LIN9: variants seen among roughly 807,000 people sequenced by gnomAD.
LIN9 encodes the protein protein lin-9 homolog.
A neutral mutation model predicts 78.0 loss-of-function variants in LIN9; 18 were observed. The observed-to-expected ratio is 0.23, with a 90% CI of 0.16 to 0.34. The LOEUF (loss-of-function observed/expected upper bound fraction) is 0.34, where lower values mean the gene tolerates loss of function less well. LIN9 is among the 10% of genes least tolerant of loss of function. The probability of loss-of-function intolerance (pLI) is 1.00; values close to 1 mark genes in which losing one functional copy is unlikely to be tolerated. For synonymous variants in LIN9, 192 were observed against 215.2 expected, an observed-to-expected ratio of 0.89 and a Z score of 0.94; for missense variants, 451 against 644.1, an observed-to-expected ratio of 0.70 and a Z score of 3.25.
chr1:226,267,254 T>TA (rs1659979952), intron 8 of LIN9, among the ~76,000 whole-genome samples: 1 of 146,878 alleles, frequency 6.8e-6, no homozygotes, highest in African/African-American at 2.5e-5. Flanking sequence ...TATATATATA[T>TA]TTCTTTTAGG....
At chr1:226,243,100 C>T (rs936044559) in intron 11 of LIN9, among the ~76,000 whole-genome samples, 8 of 152,138 alleles carry the variant, frequency 5.3e-5, no homozygotes, top group African/African-American at 1.9e-4. Flanking sequence ...GCACCCCTAA[C>T]CCCCATGTTG....
intron 11 of LIN9, among the ~76,000 whole-genome samples, chr1:226,247,716 G>C (rs1210696862): frequency 1.4e-5 from 2 of 147,854 alleles, no homozygotes; most frequent in South Asian, 2.1e-4. Flanking sequence ...CTGTTGCCCA[G>C]GCTAGAGTAC....
chr1:226,233,260 A>G, intron 13 of LIN9, 67 bp from the exon 14 acceptor site: 2 of 1,512,984 alleles, frequency 1.3e-6, no homozygotes, highest in South Asian at 2.4e-5. Flanking sequence ...AATACCTGAT[A>G]TAATCAATGA....
At chr1:226,241,385 G>A (rs778614774) in intron 11 of LIN9, among the ~76,000 whole-genome samples, 6 of 152,134 alleles carry the variant, frequency 3.9e-5, no homozygotes, top group Non-Finnish European at 8.8e-5. Context: ...CTCAGAACTA[G>A]TTAATCAAAA....
chr1:226,309,468 G>T (rs1194895241), upstream of LIN9: 3 of 1,098,974 alleles, frequency 2.7e-6, no homozygotes, highest in East Asian at 2.1e-4. Context: ...CCCGGGCCCC[G>T]CTCCCGGCGC....
intron 10 of LIN9, among the ~76,000 whole-genome samples, chr1:226,256,914 G>A (rs1659235666): frequency 6.6e-6 from 1 of 151,784 alleles, no homozygotes; most frequent in Admixed American, 6.6e-5. Flanking sequence ...AAAAAAACTT[G>A]AGAAAATCTG....
At position 226,266,255 on chromosome 1, in the gene LIN9, T is replaced by TG; in HGVS notation, c.893dup (p.Pro299ThrfsTer16). 6.2e-7 allele frequency: 1 copy of TG among 1,601,466 alleles called. No individual in the cohort carries two copies. The highest frequency in any genetic ancestry group is 8.5e-7 in the Non-Finnish European group (1 of 1,171,852). On this transcript the variant is annotated frameshift_variant, in exon 9 of 15. Coordinates refer to ENST00000681046, the MANE Select transcript of LIN9 (RefSeq NM_001366245.2). LOFTEE classifies it high-confidence loss of function. ...GAGGAGGAGTATAATGTAACCGTGG[T>TG]GGGGTCATAAAAAATCGAGAAGGCC...
At chr1:226,238,462 C>T (rs1657883215) in intron 12 of LIN9, among the ~76,000 whole-genome samples, 1 of 151,886 alleles carries the variant, frequency 6.6e-6, no homozygotes, top group African/African-American at 2.4e-5. Flanking sequence ...GAGACTTCAT[C>T]TCTATAAAAA....
At chr1:226,308,178 T>C (rs1472526125) in intron 1 of LIN9, among the ~76,000 whole-genome samples, 1 of 152,186 alleles carries the variant, frequency 6.6e-6, no homozygotes, top group Non-Finnish European at 1.5e-5. Flanking sequence ...TTAAATAACA[T>C]ATTTGTCTTT....
intron 3 of LIN9, among the ~76,000 whole-genome samples, chr1:226,297,240 T>C (rs73087893): frequency 0.04 from 6,080 of 152,166 alleles, 397 homozygotes; most frequent in African/African-American, 0.14. Context: ...CCTTAAAACC[T>C]CCTGGCTACC....
At chr1:226,281,984 G>A (rs762020273) in intron 6 of LIN9, among the ~76,000 whole-genome samples, 3 of 151,958 alleles carry the variant, frequency 2.0e-5, no homozygotes, top group South Asian at 2.1e-4. Flanking sequence ...AACCACCGGC[G>A]CCCAGCCATT....
chr1:226,274,357 T>C (rs934526417), intron 7 of LIN9, among the ~76,000 whole-genome samples: 3 of 152,358 alleles, frequency 2.0e-5, no homozygotes, highest in Admixed American at 2.0e-4. Flanking sequence ...TGAAGTTGGC[T>C]GCCATCCATA....
chr1:226,284,649 A>C (rs1322661721), intron 6 of LIN9, among the ~76,000 whole-genome samples: 1 of 152,148 alleles, frequency 6.6e-6, no homozygotes, highest in Non-Finnish European at 1.5e-5. Flanking sequence ...ACTTGAACCC[A>C]GAAGGCAGAG....
At chr1:226,254,159 C>T (rs1659040984) in intron 10 of LIN9, among the ~76,000 whole-genome samples, 2 of 152,228 alleles carry the variant, frequency 1.3e-5, no homozygotes, top group South Asian at 4.2e-4. Context: ...TCTTCAACTC[C>T]TAGACTCAAT....
At chr1:226,263,390 GA>G (rs959246486) in intron 10 of LIN9, among the ~76,000 whole-genome samples, 1 of 152,082 alleles carries the variant, frequency 6.6e-6, no homozygotes, top group Non-Finnish European at 1.5e-5. Context: ...AAGTATATGG[GA>G]AATATCTGTA....
intron 7 of LIN9, among the ~76,000 whole-genome samples, chr1:226,276,958 C>T (rs756925514): frequency 1.2e-4 from 18 of 151,728 alleles, no homozygotes; most frequent in Admixed American, 1.3e-4. Flanking sequence ...CCAAAGTCCA[C>T]GAGAACAATG....
At chr1:226,290,892 G>A (rs1661744947) in intron 4 of LIN9, among the ~76,000 whole-genome samples, 1 of 152,078 alleles carries the variant, frequency 6.6e-6, no homozygotes, top group African/African-American at 2.4e-5. Context: ...GAGTAGCTGG[G>A]ACTACAGGCA....
chr1:226,303,502 A>AT (rs993093051), intron 1 of LIN9, among the ~76,000 whole-genome samples: 4 of 152,270 alleles, frequency 2.6e-5, no homozygotes, highest in Admixed American at 1.3e-4. Context: ...AGGAAGAGGT[A>AT]TATAGGCCAT....
At chr1:226,254,640 G>A (rs554495185) in intron 10 of LIN9, among the ~76,000 whole-genome samples, 12 of 152,030 alleles carry the variant, frequency 7.9e-5, no homozygotes, top group Non-Finnish European at 1.5e-4. Context: ...GGCCAGGCGC[G>A]GTGGCTCACG....
Sources: gnomAD v4.1 joint callset for allele counts (sites outside exome capture counted in the v4.1 genomes callset) on GRCh38, gnomAD v4.1.1 for gene constraint, MANE v1.5 for transcripts, NCBI Gene and HGNC (gene_info 2026-07-23, HGNC 2026-07-21) for gene names.